The following FCHO1 variants were observed in gnomAD, a reference collection of about 807,000 sequenced individuals.
FCHO1 encodes the protein FCH and mu domain containing endocytic adaptor 1.
FCHO1 carries 45 observed loss-of-function variants against 114.4 expected under a neutral mutation model. The observed-to-expected ratio is 0.39, with a 90% CI of 0.31 to 0.50. The LOEUF is 0.50. Among genes scored for constraint, FCHO1 ranks in the 20% least tolerant of loss-of-function variants. FCHO1 has a pLI of 0.77. For synonymous variants in FCHO1, 480 were observed against 488.9 expected (o/e 0.98, Z 0.24); for missense variants, 1,042 against 1,209.6 (o/e 0.86, Z 2.06).
At chr19:17,769,297 C>T (rs1283085184) in intron 7 of FCHO1, among the ~76,000 whole-genome samples, 1 of 86,686 alleles carries the variant, frequency 1.2e-5, no homozygotes, top group African/African-American at 4.5e-5. Context: ...AAAAAAAAGG[C>T]CTGGCACGGT....
Position 17,770,582 on chromosome 19 carries a change from G to C in FCHO1, c.489+5G>C. The C allele has an allele frequency of 6.2e-7, 1 of 1,609,602 alleles. No homozygotes were observed. Among genetic ancestry groups the C allele is most frequent in the Non-Finnish European group, 8.5e-7 (1 of 1,177,122 alleles). ...AGCCAGAAGGAGATGGACAAGGTGG[G>C]CTCACAGTGGGGGGGTTCTGAGGAA... On this transcript the variant is annotated splice_donor_5th_base_variant and intron_variant, in intron 8 of 28. Coordinates refer to ENST00000596536, the MANE Select transcript of FCHO1 (RefSeq NM_015122.3).
intron 27 of FCHO1, among the ~76,000 whole-genome samples, chr19:17,787,095 G>A (rs780365092): frequency 3.3e-5 from 5 of 151,468 alleles, no homozygotes; most frequent in African/African-American, 9.7e-5. Context: ...GTGGTGGCAC[G>A]CACCTGTGAT....
intron 2 of FCHO1, 35 bp downstream of exon 2, chr19:17,754,396 CGTG>C (rs2082808167): frequency 6.5e-6 from 1 of 152,770 alleles, no homozygotes; most frequent in African/African-American, 2.4e-5. Context: ...GGTTGGGACT[CGTG>C]GGGGCAGCAA....
upstream of FCHO1, among the ~76,000 whole-genome samples, chr19:17,749,240 G>C (rs2081342967): frequency 6.6e-6 from 1 of 152,170 alleles, no homozygotes; most frequent in Non-Finnish European, 1.5e-5. Flanking sequence ...TGGTGGGCAT[G>C]GGGCTGGGAG....
intron 13 of FCHO1, 93 bp downstream of exon 13, chr19:17,774,571 C>T: frequency 1.0e-6 from 1 of 954,058 alleles, no homozygotes; most frequent in East Asian, 2.5e-5. Flanking sequence ...TAGGATAGCC[C>T]AGGAGTATCC....
chr19:17,765,437 T>G (rs1439709369), intron 6 of FCHO1, among the ~76,000 whole-genome samples: 1 of 151,950 alleles, frequency 6.6e-6, no homozygotes, highest in African/African-American at 2.4e-5. Flanking sequence ...TTTGGGAAGC[T>G]GAGGTGGGAG....
chr19:17,784,614 C>T lies in FCHO1; in HGVS notation c.2227-111C>T. 9.8e-7 allele frequency: 1 copy of T among 1,018,220 alleles called. No individual in the cohort carries two copies. Among genetic ancestry groups the T allele is most frequent in the Non-Finnish European group, 1.5e-6 (1 of 652,326 alleles). 63.1% of individuals were successfully genotyped at this position (1,018,220 alleles called of 1,614,324 possible). On this transcript the variant is annotated intron_variant, in intron 25 of 28. Transcript: ENST00000596536. The surrounding 1 kb of genome is among the most constrained non-coding windows in gnomAD (Gnocchi z 5.3). ...TCCATCAAATCTCCCTGTGACTGGA[C>T]CCCCTTGGGGCGGTGCGTGCATCGC... is the stretch of plus-strand genomic sequence containing the variant.
Position 17,776,587 on chromosome 19 carries a change from A to G in FCHO1, c.1208-48A>G, listed in dbSNP as rs2092661907. Reference sequence around the variant, plus strand: ...TCCCTTGGTCTGTGGAGTGGGGAGCATTGCAGGCAGGGTGACAAGAAGGCT... The same window carrying G: ...TCCCTTGGTCTGTGGAGTGGGGAGCGTTGCAGGCAGGGTGACAAGAAGGCT... On this transcript the variant is annotated intron_variant, in intron 17 of 28. Coordinates refer to ENST00000596536, the MANE Select transcript of FCHO1 (RefSeq NM_015122.3). The surrounding 1 kb of genome is among the most constrained non-coding windows in gnomAD (Gnocchi z 4.4). The G allele has an allele frequency of 1.2e-6, 2 of 1,608,224 alleles. No homozygotes were observed. The highest frequency in any genetic ancestry group is 1.3e-5 in the African/African-American group (1 of 74,898).
At chr19:17,766,033 T>C (rs916269330) in intron 6 of FCHO1, among the ~76,000 whole-genome samples, 3 of 149,514 alleles carry the variant, frequency 2.0e-5, no homozygotes, top group South Asian at 2.1e-4. Context: ...GGACTACAGG[T>C]GCCCACCACC....
intron 11 of FCHO1, 151 bp downstream of exon 11, chr19:17,772,892 A>G: frequency 3.3e-6 from 2 of 607,262 alleles, no homozygotes; most frequent in South Asian, 2.0e-5. Context: ...CGAACTCTTG[A>G]CCTCAGGTGA....
At chr19:17,785,938 G>A (rs1231977458) in intron 26 of FCHO1, among the ~76,000 whole-genome samples, 1 of 151,632 alleles carries the variant, frequency 6.6e-6, no homozygotes, top group Non-Finnish European at 1.5e-5. Context: ...GCTTCAAGGA[G>A]TTACCCTGGG....
intron 6 of FCHO1, 57 bp downstream of exon 6, chr19:17,764,506 C>A: frequency 7.2e-7 from 1 of 1,397,636 alleles, no homozygotes; most frequent in Non-Finnish European, 9.9e-7. Context: ...CCTTGGTGGA[C>A]ATCTCTTCAC....
intron 11 of FCHO1, among the ~76,000 whole-genome samples, 174 bp downstream of exon 11, chr19:17,772,915 G>C (rs1033296317): frequency 5.9e-5 from 9 of 152,048 alleles, no homozygotes; most frequent in Non-Finnish European, 1.0e-4. Context: ...TGCCTGCCTC[G>C]GCCTCCCAAA....
intron 3 of FCHO1, 139 bp from the exon 4 acceptor site, chr19:17,754,979 G>T: frequency 1.5e-6 from 1 of 670,490 alleles, no homozygotes. Context: ...ATTATCTCAG[G>T]GGTCCTGGCA....
intron 3 of FCHO1, 121 bp from the exon 4 acceptor site, chr19:17,754,997 A>T: frequency 1.4e-6 from 1 of 734,880 alleles, no homozygotes. Context: ...GCATGCTCTT[A>T]GCATTGGAGC....
intron 9 of FCHO1, 52 bp from the exon 10 acceptor site, chr19:17,772,405 C>T: frequency 1.4e-6 from 2 of 1,409,822 alleles, no homozygotes; most frequent in East Asian, 2.3e-5. Context: ...CATATGGCCA[C>T]TTCTTCTTGG....
intron 4 of FCHO1, among the ~76,000 whole-genome samples, chr19:17,756,941 C>A (rs1394918354): frequency 6.6e-6 from 1 of 152,122 alleles, no homozygotes; most frequent in South Asian, 2.1e-4. Flanking sequence ...GTAATCCCAG[C>A]ACTTTGGGAG....
intron 26 of FCHO1, 94 bp from the exon 27 acceptor site, chr19:17,786,480 T>G (rs907320021): frequency 4.6e-6 from 6 of 1,291,346 alleles, no homozygotes; most frequent in Non-Finnish European, 6.6e-6. Flanking sequence ...AGAAGGTTTG[T>G]TGGGGTCACA....
intron 11 of FCHO1, 139 bp from the exon 12 acceptor site, chr19:17,774,100 G>A (rs2092244249): frequency 2.7e-6 from 2 of 727,518 alleles, no homozygotes; most frequent in African/African-American, 3.5e-5. Flanking sequence ...GCAGAGACAG[G>A]GTTTCACCAT....
Sources: gnomAD v4.1 joint callset for allele counts (sites outside exome capture counted in the v4.1 genomes callset) on GRCh38, gnomAD v4.1.1 for gene constraint, Gnocchi (gnomAD v3.1) non-coding constraint, MANE v1.5 for transcripts, NCBI Gene and HGNC (gene_info 2026-07-23, HGNC 2026-07-21) for gene names.